Variants in RNASET2 observed in about 807,000 individuals in gnomAD.
The protein encoded by RNASET2 is ribonuclease 6.
A neutral mutation model predicts 33.9 loss-of-function variants in RNASET2; 28 were observed. That is an observed-to-expected ratio of 0.83 (90% CI 0.61 to 1.13). RNASET2 has a LOEUF of 1.13. RNASET2 is among the 50% of genes most tolerant of loss of function. The pLI is 0.00. For synonymous variants in RNASET2, 123 were observed against 121.0 expected, an observed-to-expected ratio of 1.02 and a Z score of -0.11; for missense variants, 330 against 319.9, an observed-to-expected ratio of 1.03 and a Z score of -0.24.
intron 3 of RNASET2, chr6:166,948,347 G>GAA (rs551866456): frequency 0.013 from 6,572 of 497,870 alleles, 185 homozygotes; most frequent in African/African-American, 0.11. Flanking sequence ...CTCTGTCTCA[G>GAA]AAAAAAAAAA....
At chr6:166,955,870 C>T in intron 1 of RNASET2, 5 of 750,372 alleles carry the variant, frequency 6.7e-6, no homozygotes, top group Non-Finnish European at 6.5e-6. Flanking sequence ...TCTGAGTGTG[C>T]TAAGGGCTCC....
intron 7 of RNASET2, chr6:166,931,378 A>G (rs1425351257): frequency 3.8e-6 from 2 of 533,168 alleles, no homozygotes; most frequent in Middle Eastern, 5.2e-4. Context: ...TGGAGAGCAG[A>G]GCTCTCCTCC....
At position 166,933,023 on chromosome 6, in the gene RNASET2, G is replaced by A. The variant is rs931598747; in HGVS notation, c.492+1068C>T. 3.3e-5 allele frequency: 5 copies of A among 152,200 alleles called. No individual in the cohort carries two copies. The highest frequency in any genetic ancestry group is 1.2e-4 in the African/African-American group (5 of 41,438). 9.4% of individuals were successfully genotyped at this position (152,200 alleles called of 1,614,324 possible). A position where few individuals can be genotyped will look rare whatever the true frequency, so the allele number is the denominator to read the frequency against. ...CAGACACCATGAGAGCAAAGACACT[G>A]TTGCCAATTTATTTCACAAACAGTC... On this transcript the variant is annotated intron_variant, in intron 7 of 8. Coordinates refer to ENST00000508775, the MANE Select transcript of RNASET2 (RefSeq NM_003730.6). This position sits in a 1 kb window ranked among gnomAD's most constrained non-coding sequence, Gnocchi z 4.1.
intron 5 of RNASET2, among the ~76,000 whole-genome samples, chr6:166,941,632 T>TG (rs1198079054): frequency 6.6e-6 from 1 of 152,232 alleles, no homozygotes; most frequent in East Asian, 1.9e-4. Context: ...GCCACTTCAC[T>TG]GCCACACCGA....
rs1778364004 is a variant in RNASET2, at chr6:166,929,360, T to A, written c.*228A>T. 2 of 574,080 alleles carry A rather than the reference T, an allele frequency of 3.5e-6. No individual in the cohort carries two copies. The highest frequency in any genetic ancestry group is 3.1e-6 in the Non-Finnish European group (1 of 323,812). 35.6% of individuals were successfully genotyped at this position (574,080 alleles called of 1,614,324 possible). On this transcript the variant is annotated 3_prime_UTR_variant, in exon 9 of 9. Transcript: ENST00000508775. ...GTTTAATAGAGAAAAAAAAAAACAA[T>A]CTGTGAGCTTTATCCCAAGCACAAA...
At chr6:166,938,561 T>G in intron 6 of RNASET2, 1 of 581,360 alleles carries the variant, frequency 1.7e-6, no homozygotes, top group Non-Finnish European at 3.4e-6. Flanking sequence ...GACTTATTAA[T>G]GCACTATCCT....
In RNASET2 at chr6:166,938,917, A is replaced by G. The variant is rs756083307; in HGVS notation, c.424T>C (p.Tyr142His). Reference protein sequence around the residue: ...KKYFGRSLELYRELDLNSVLL... With the variant: ...KKYFGRSLELHRELDLNSVLL... ...CACCTGTTGAGGTCCAGCTCCCTGT[A>G]GAGTTCCAGGCTTCTGCCAAAGTAC... is the stretch of plus-strand genomic sequence containing the variant. The change falls in exon 6 of 9, where the codon TAC becomes CAC. Residue 142 changes from tyrosine to histidine, a missense_variant. Physicochemically the swap from Tyr to His is moderately conservative, Grantham distance 83 (BLOSUM62 2). Transcript: ENST00000508775. 1.2e-6 allele frequency: 2 copies of G among 1,613,524 alleles called. No homozygotes were observed. Among genetic ancestry groups the G allele is most frequent in the African/African-American group, 2.7e-5 (2 of 75,046 alleles).
At position 166,928,459 on chromosome 6, in the gene RNASET2, G is replaced by A. The variant is rs202080778; in HGVS notation, c.*1129C>T. Reference sequence around the variant, plus strand: ...TGATACAGCTGTTTTTTTTTTTTTTGTAAATTATGCTGACAATATGGTTAT... The same window carrying A: ...TGATACAGCTGTTTTTTTTTTTTTTATAAATTATGCTGACAATATGGTTAT... On this transcript the variant is annotated 3_prime_UTR_variant, in exon 9 of 9. Coordinates refer to ENST00000508775, the MANE Select transcript of RNASET2 (RefSeq NM_003730.6). Among the ~76,000 whole-genome samples, 2 of 74,566 alleles carry A rather than the reference G, an allele frequency of 2.7e-5. No homozygotes were observed. Among genetic ancestry groups the A allele is most frequent in the Admixed American group, 1.3e-4 (1 of 7,664 alleles). The allele number at this position is 74,566 out of a possible 152,430, so 48.9% of individuals were successfully genotyped here.
intron 2 of RNASET2, among the ~76,000 whole-genome samples, chr6:166,949,904 G>T (rs1208398752): frequency 6.6e-6 from 1 of 152,248 alleles, no homozygotes; most frequent in Non-Finnish European, 1.5e-5. Flanking sequence ...ATCAGAGGGG[G>T]CACCAGGGAC....
At chr6:166,934,962 C>T (rs182765168) in intron 6 of RNASET2, 10 of 152,284 alleles carry the variant, frequency 6.6e-5, no homozygotes, top group Admixed American at 3.3e-4. Flanking sequence ...TGAATCATTG[C>T]AGAAGAATAT....
chr6:166,929,222 C>A lies in RNASET2; in HGVS notation c.*366G>T, dbSNP rs963119834. Reference sequence around the variant, plus strand: ...GCTCTTCGTCTTGACAGGGTCCCTGCGCCAAGAAGGCAACAGGCTCCGAGG... The same window carrying A: ...GCTCTTCGTCTTGACAGGGTCCCTGAGCCAAGAAGGCAACAGGCTCCGAGG... On this transcript the variant is annotated 3_prime_UTR_variant, in exon 9 of 9. Transcript: ENST00000508775. Among the ~76,000 whole-genome samples the A allele has an allele frequency of 6.6e-6, 1 of 152,186 alleles. No individual in the cohort carries two copies. Among genetic ancestry groups the A allele is most frequent in the East Asian group, 1.9e-4 (1 of 5,204 alleles).
At chr6:166,930,611 C>T (rs1315533310) in intron 8 of RNASET2, among the ~76,000 whole-genome samples, 2 of 150,154 alleles carry the variant, frequency 1.3e-5, no homozygotes, top group Non-Finnish European at 3.0e-5. Flanking sequence ...CATGCATGTA[C>T]ATGCACACAC....
In RNASET2 at chr6:166,954,296, G is replaced by C. The variant is rs112801133; in HGVS notation, c.87-1748C>G. Among the ~76,000 whole-genome samples, 702 of 152,334 alleles carry C rather than the reference G, an allele frequency of 4.6e-3. 9 individuals are homozygous for C. Among genetic ancestry groups the C allele is most frequent in the African/African-American group, 0.014 (570 of 41,570 alleles). On this transcript the variant is annotated intron_variant, in intron 1 of 8. Transcript: ENST00000508775. The stretch of plus-strand genomic sequence containing the variant: ...GTTCTCGCAAATCTTGCCTGCTCAA[G>C]TTTGTCCGATCATATCAGTTGCATG...
chr6:166,929,704 G>C lies in RNASET2; in HGVS notation c.655C>G (p.Gln219Glu), dbSNP rs1354145190. Residue 219 changes from glutamine to glutamate, a missense_variant, in exon 9 of 9, where the codon CAG (glutamine) becomes GAG (glutamate). By Grantham distance (29) the Gln-to-Glu change is conservative. Coordinates refer to ENST00000508775, the MANE Select transcript of RNASET2 (RefSeq NM_003730.6). ...CAGACTTCCTGCTTGGGGGACGGCT[G>C]CTCCCCCGGCTCGGTGCAGTTTTGC... Reference protein sequence around the residue: ...QLQNCTEPGEQPSPKQEVWLA... With the variant: ...QLQNCTEPGEEPSPKQEVWLA... The C allele has an allele frequency of 6.2e-7, 1 of 1,614,062 alleles. No individual in the cohort carries two copies. The highest frequency in any genetic ancestry group is 1.1e-5 in the South Asian group (1 of 91,068).
At position 166,943,949 on chromosome 6, in the gene RNASET2, G is replaced by A. The variant is rs9457246; in HGVS notation, c.262-860C>T. 5.6e-3 allele frequency: 1,467 copies of A among 259,990 alleles called. 26 individuals carry two copies. Among genetic ancestry groups the A allele is most frequent in the African/African-American group, 0.032 (1,380 of 43,248 alleles). 16.1% of individuals were successfully genotyped at this position (259,990 alleles called of 1,614,324 possible). ...ATCCTGGCCAACCTGGTGAAACCCT[G>A]TCTCTACTAAAAATACAAAAATTAG... On this transcript the variant is annotated intron_variant, in intron 4 of 8. Coordinates refer to ENST00000508775, the MANE Select transcript of RNASET2 (RefSeq NM_003730.6).
At chr6:166,930,753 C>T (rs1034790091) in intron 8 of RNASET2, among the ~76,000 whole-genome samples, 2 of 150,118 alleles carry the variant, frequency 1.3e-5, no homozygotes, top group Non-Finnish European at 3.0e-5. Context: ...TACACACATG[C>T]ACACACAGGA....
intron 4 of RNASET2, 159 bp downstream of exon 4, chr6:166,946,523 C>G: frequency 1.5e-6 from 1 of 653,608 alleles, no homozygotes; most frequent in African/African-American, 1.8e-5. Flanking sequence ...TTTGTGGGGT[C>G]GAGATAACAA....
intron 6 of RNASET2, chr6:166,934,397 G>A (rs1385896623): frequency 1.0e-5 from 5 of 477,090 alleles, no homozygotes; most frequent in South Asian, 4.5e-5. Context: ...GCATGGGAGC[G>A]CTGGGGCCAC....
In RNASET2 at chr6:166,929,204, G is replaced by A. The variant is rs909944478; in HGVS notation, c.*384C>T. On this transcript the variant is annotated 3_prime_UTR_variant, in exon 9 of 9. Transcript: ENST00000508775. ...GCTCCTGCCATGCGTGGAGCTCTTC[G>A]TCTTGACAGGGTCCCTGCGCCAAGA... 3.3e-5 allele frequency among the ~76,000 whole-genome samples: 5 copies of A among 152,258 alleles called. No individual in the cohort carries two copies. Among genetic ancestry groups the A allele is most frequent in the Admixed American group, 6.5e-5 (1 of 15,288 alleles).
Sources: allele counts gnomAD v4.1 joint callset (sites outside exome capture counted in the v4.1 genomes callset), GRCh38; gene constraint gnomAD v4.1.1; non-coding constraint Gnocchi (gnomAD v3.1); transcripts MANE v1.5; gene names NCBI Gene and HGNC (gene_info 2026-07-23, HGNC 2026-07-21).